The following RTKN variants were observed in gnomAD, a reference collection of about 807,000 sequenced individuals.
The protein encoded by RTKN is rhotekin.
In RTKN, 49 loss-of-function variants were observed where a neutral mutation model predicts 63.5. The observed-to-expected ratio is 0.77, with a 90% confidence interval of 0.61 to 0.98. RTKN has a LOEUF of 0.98. RTKN is among the 50% of genes least tolerant of loss of function. The pLI is 0.00. For synonymous variants in RTKN, 295 were observed against 290.4 expected (o/e 1.02, Z -0.16); for missense variants, 685 against 740.8 (o/e 0.92, Z 0.87).
intron 1 of RTKN, chr2:74,440,070 G>T: frequency 1.1e-6 from 1 of 900,160 alleles, no homozygotes; most frequent in Non-Finnish European, 1.4e-6. Context: ...TCTGTGTGCG[G>T]AGAGGGCAGT....
In RTKN at chr2:74,432,596, G is replaced by A. The variant is rs148971647; in HGVS notation, c.182C>T (p.Ala61Val). Residue 61 changes from alanine to valine, a missense_variant, in exon 2 of 12, where the codon GCC (alanine) becomes GTC (valine). Coordinates refer to ENST00000272430, the MANE Select transcript of RTKN (RefSeq NM_001015055.2). ...CAGAGCCTGCTCTCGCTGGGAGCAG[G>A]CTGCCAGCAGCTTACAGGCCCCTTC... ...MREGACKLLA[A>V]CSQREQALEA... 704 of 1,614,014 alleles carry A rather than the reference G, an allele frequency of 4.4e-4. No homozygotes were observed. The highest frequency in any genetic ancestry group is 5.4e-4 in the Non-Finnish European group (638 of 1,180,040).
chr2:74,426,158 G>T lies in RTKN; in HGVS notation c.*85C>A. 7.9e-7 allele frequency: 1 copy of T among 1,266,196 alleles called. No homozygotes were observed. The highest frequency in any genetic ancestry group is 1.1e-6 in the Non-Finnish European group (1 of 889,146). 78.4% of individuals were successfully genotyped at this position (1,266,196 alleles called of 1,614,324 possible). A position where few individuals can be genotyped will look rare whatever the true frequency, so the allele number is the denominator to read the frequency against. ...AACAGGAGGCCAGACTGGCCAACTT[G>T]CTATAGACAGCGCCGTATCCAGAGC... On this transcript the variant is annotated 3_prime_UTR_variant, in exon 12 of 12. Transcript: ENST00000272430.
At position 74,441,773 on chromosome 2, in the gene RTKN, C is replaced by T; in HGVS notation, c.44G>A (p.Gly15Asp). Residue 15 changes from glycine to aspartate, a missense_variant, in exon 1 of 12, where the codon GGC (glycine) becomes GAC (aspartate). Physicochemically the swap from Gly to Asp is moderately conservative, Grantham distance 94 (BLOSUM62 -1). Coordinates refer to ENST00000272430, the MANE Select transcript of RTKN (RefSeq NM_001015055.2). ...TTTGAACTCCATCTCCAGGGCGGAG[C>T]CCCTGGCCACGGTGACCCGGCTCCG... ...NHRSRVTVAR[G>D]SALEMEFKRG... 5 of 1,611,944 alleles carry T rather than the reference C, an allele frequency of 3.1e-6. No individual in the cohort carries two copies. In the South Asian group the frequency reaches 5.5e-5, roughly 18 times the overall value.
In RTKN at chr2:74,428,683, GC is replaced by G; in HGVS notation, c.904del (p.Ala302LeufsTer6). 1 of 1,614,062 alleles carries G rather than the reference GC, an allele frequency of 6.2e-7. No homozygotes were observed. The highest frequency in any genetic ancestry group is 8.5e-7 in the Non-Finnish European group (1 of 1,179,996). On this transcript the variant is annotated frameshift_variant, in exon 8 of 12. Coordinates refer to ENST00000272430, the MANE Select transcript of RTKN (RefSeq NM_001015055.2). LOFTEE classifies it high-confidence loss of function. ...GGGCTGAGTCATGCAGAGAGGCTGAGCTGCCAGACGGCAACACACGCTACCA... is the reference window on the plus strand; with the variant it reads ...GGGCTGAGTCATGCAGAGAGGCTGAGTGCCAGACGGCAACACACGCTACCA... ...LYGSVCCRLA[A>X]QPLCMTQPTA...
intron 9 of RTKN, chr2:74,427,809 GA>G: frequency 1.2e-5 from 7 of 566,554 alleles, no homozygotes; most frequent in Admixed American, 3.2e-5. Flanking sequence ...TTGAGACAGG[GA>G]AAAAGGGATT....
chr2:74,439,355 A>G (rs1671223639), intron 1 of RTKN, among the ~76,000 whole-genome samples: 1 of 152,216 alleles, frequency 6.6e-6, no homozygotes, highest in Non-Finnish European at 1.5e-5. Context: ...TGCTGCAAAC[A>G]TAAGACTATG....
In RTKN at chr2:74,430,256, G is replaced by C; in HGVS notation, c.541C>G (p.Leu181Val). ...GCCACAGTGTGAGGTACTCACAAGA[G>C]CACATTGCTCTGAAAGGAGATGTCT... ...LTDISFQSNV[L>V]FAEAGPDFEL... The change falls in exon 5 of 12, where the codon CTC (leucine) becomes GTC (valine). Residue 181 changes from leucine (L) to valine (V), a missense_variant. By Grantham distance (32) the Leu-to-Val change is conservative. Transcript: ENST00000272430. 6.2e-7 allele frequency: 1 copy of C among 1,612,524 alleles called. No homozygotes were observed. Among genetic ancestry groups the C allele is most frequent in the Non-Finnish European group, 8.5e-7 (1 of 1,178,528 alleles).
At chr2:74,441,536 A>G (rs529623427) in intron 1 of RTKN, among the ~76,000 whole-genome samples, 170 bp downstream of exon 1, 1 of 152,338 alleles carries the variant, frequency 6.6e-6, no homozygotes, top group African/African-American at 2.4e-5. Flanking sequence ...ATCCGATGAA[A>G]ATGCAGACCG....
chr2:74,441,876 C>G lies in RTKN; in HGVS notation c.-60G>C. On this transcript the variant is annotated 5_prime_UTR_variant, in exon 1 of 12. Transcript: ENST00000272430. ...CTCCCCGCGCCGCCCGGCTTAGCCTCCTCTCCTCGGCTTCTGTCTCTCGAC... is the reference window on the plus strand; with the variant it reads ...CTCCCCGCGCCGCCCGGCTTAGCCTGCTCTCCTCGGCTTCTGTCTCTCGAC... 9.6e-7 allele frequency: 1 copy of G among 1,042,102 alleles called. No homozygotes were observed. Among genetic ancestry groups the G allele is most frequent in the Non-Finnish European group, 1.5e-6 (1 of 688,588 alleles). 64.6% of individuals were successfully genotyped at this position (1,042,102 alleles called of 1,614,324 possible).
chr2:74,425,975 G>C lies in RTKN; in HGVS notation c.*268C>G, dbSNP rs1344401502. On this transcript the variant is annotated 3_prime_UTR_variant, in exon 12 of 12. Transcript: ENST00000272430. Reference sequence around the variant, plus strand: ...TCAGTGCCATCCTCAAAGCTGGTTAGTGCAGGGAGGTAGGGCAGAGTTGGT... The same window carrying C: ...TCAGTGCCATCCTCAAAGCTGGTTACTGCAGGGAGGTAGGGCAGAGTTGGT... The C allele has an allele frequency of 1.5e-6, 1 of 653,576 alleles. No individual in the cohort carries two copies. Among genetic ancestry groups the C allele is most frequent in the African/African-American group, 1.8e-5 (1 of 54,726 alleles). The allele number at this position is 653,576 out of a possible 1,614,324, so 40.5% of individuals were successfully genotyped here.
rs372432830 is a variant in RTKN at position 74,441,852 on chromosome 2, T to C, written c.-36A>G. The C allele has an allele frequency of 3.4e-5, 46 of 1,370,642 alleles. No homozygotes were observed. The highest frequency in any genetic ancestry group is 4.1e-5 in the Non-Finnish European group (40 of 975,314). 84.9% of individuals were successfully genotyped at this position (1,370,642 alleles called of 1,614,324 possible). ...CTGCGACTTTGCCTGCTCAGTGCGC[T>C]CCCCGCGCCGCCCGGCTTAGCCTCC... On this transcript the variant is annotated 5_prime_UTR_variant, in exon 1 of 12. Transcript: ENST00000272430.
chr2:74,430,165 C>T (rs868081814), intron 5 of RTKN, 87 bp downstream of exon 5: 3 of 1,516,330 alleles, frequency 2.0e-6, no homozygotes, highest in Middle Eastern at 3.6e-4. Flanking sequence ...CCACCCTGCC[C>T]CCATCCCAGC....
intron 1 of RTKN, chr2:74,440,718 G>C (rs931856698): frequency 4.5e-6 from 1 of 219,842 alleles, no homozygotes; most frequent in Admixed American, 6.5e-5. Context: ...AAGGGGACGC[G>C]ACAAAGGCCC....
intron 1 of RTKN, among the ~76,000 whole-genome samples, chr2:74,439,306 A>AGAAATAGGT (rs1671221116): frequency 6.6e-6 from 1 of 152,060 alleles, no homozygotes; most frequent in Non-Finnish European, 1.5e-5. Flanking sequence ...AGACATTTAC[A>AGAAATAGGT]CTCACCCACA....
At position 74,441,820 on chromosome 2, in the gene RTKN, G is replaced by A. The variant is rs762225978; in HGVS notation, c.-4C>T. On this transcript the variant is annotated 5_prime_UTR_variant, in exon 1 of 12. Transcript: ENST00000272430. ...TCCGGTGGTTTCGGGAGAACATGCT[G>A]GCGGCCCTGCGACTTTGCCTGCTCA... 1.3e-5 allele frequency: 20 copies of A among 1,599,880 alleles called. No homozygotes were observed. The highest frequency in any genetic ancestry group is 3.3e-4 in the Middle Eastern group (2 of 6,032).
chr2:74,434,280 CTTTTT>C (rs902132687), intron 1 of RTKN, among the ~76,000 whole-genome samples: 1 of 128,068 alleles, frequency 7.8e-6, no homozygotes, highest in African/African-American at 2.9e-5. Context: ...GTTTTGTATT[CTTTTT>C]TTTTTTTTTT....
intron 1 of RTKN, chr2:74,440,349 T>C: frequency 1.0e-6 from 1 of 986,230 alleles, no homozygotes; most frequent in Non-Finnish European, 1.2e-6. Flanking sequence ...GGGCTCACAA[T>C]TACCTCGCTT....
chr2:74,439,254 TCTC>T (rs1458485404), intron 1 of RTKN, among the ~76,000 whole-genome samples: 1 of 152,238 alleles, frequency 6.6e-6, no homozygotes, highest in Non-Finnish European at 1.5e-5. Context: ...ATTGAACTCC[TCTC>T]TTCTTCCCAT....
chr2:74,428,098 A>G, intron 9 of RTKN, 170 bp downstream of exon 9: 1 of 759,514 alleles, frequency 1.3e-6, no homozygotes, highest in Non-Finnish European at 2.1e-6. Flanking sequence ...ATCCTCTCAC[A>G]GTGATGCTGT....
Sources: gnomAD v4.1 joint callset for allele counts (sites outside exome capture counted in the v4.1 genomes callset) on GRCh38, gnomAD v4.1.1 for gene constraint, MANE v1.5 for transcripts, NCBI Gene and HGNC (gene_info 2026-07-23, HGNC 2026-07-21) for gene names.